XPO5: variants seen among roughly 807,000 people sequenced by gnomAD.
XPO5 encodes exportin 5.
Under a neutral mutation model 160.6 loss-of-function variants are expected in XPO5, and 46 were observed. The observed-to-expected ratio is 0.29, with a 90% confidence interval of 0.23 to 0.37. The LOEUF is 0.37. Ranked by LOEUF, XPO5 falls within the 10% of genes least tolerant of loss-of-function variation. The pLI is 1.00. For missense variants in XPO5, 1,090 were observed against 1,463.9 expected (o/e 0.74, Z 4.17); for synonymous variants, 537 against 519.3 (o/e 1.03, Z -0.46).
At chr6:43,535,755 A>G (rs1377938511) in intron 20 of XPO5, among the ~76,000 whole-genome samples, 1 of 150,924 alleles carries the variant, frequency 6.6e-6, no homozygotes, top group Non-Finnish European at 1.5e-5. Context: ...CGGAGCTTGC[A>G]ATGAGCTGAA....
rs769722961 is a variant in XPO5 at position 43,525,825 on chromosome 6, C to T, written c.3066+14G>A. On this transcript the variant is annotated intron_variant, in intron 28 of 31. Transcript: ENST00000265351. ...GGGCAAGGAGTAAAGGTATCACCTG[C>T]TCCTTCTACCCACCTCATGCTTCAT... The T allele has an allele frequency of 6.2e-7, 1 of 1,613,808 alleles. No individual in the cohort carries two copies.
At chr6:43,524,086 C>T (rs553941201) in intron 31 of XPO5, 81 bp from the exon 32 acceptor site, 76 of 1,534,026 alleles carry the variant, frequency 5.0e-5, no homozygotes, top group Admixed American at 3.5e-4. Flanking sequence ...CGCAGTGGCT[C>T]GCGCCTGTAA....
intron 2 of XPO5, 142 bp from the exon 3 acceptor site, chr6:43,572,720 G>A: frequency 2.2e-6 from 2 of 902,080 alleles, no homozygotes; most frequent in South Asian, 1.7e-5. Context: ...GTCAATGAAT[G>A]GGCAAAAATG....
At chr6:43,525,727 G>A in intron 28 of XPO5, 112 bp downstream of exon 28, 1 of 1,136,478 alleles carries the variant, frequency 8.8e-7, no homozygotes, top group Non-Finnish European at 1.2e-6. Context: ...AGGAACTTAT[G>A]TAACAAAGGA....
In XPO5 at chr6:43,558,107, C is replaced by T. The variant is rs532130605; in HGVS notation, c.1312+394G>A. On this transcript the variant is annotated intron_variant, in intron 12 of 31. Coordinates refer to ENST00000265351, the MANE Select transcript of XPO5 (RefSeq NM_020750.3). ...TGAAACTCCATCTCAAAAAAAAAAA[C>T]AAACAAAAAGGAAATAAGGCACAGA... Among the ~76,000 whole-genome samples, 152 of 147,908 alleles carry T rather than the reference C, an allele frequency of 1.0e-3. 2 individuals carry two copies. The highest frequency in any genetic ancestry group is 3.6e-3 in the African/African-American group (144 of 39,682).
chr6:43,525,994 G>T (rs778143701), intron 27 of XPO5, 73 bp from the exon 28 acceptor site: 2 of 1,549,608 alleles, frequency 1.3e-6, no homozygotes, highest in East Asian at 2.3e-5. Flanking sequence ...TGACAGAAGC[G>T]CAAAAAACAA....
intron 18 of XPO5, 89 bp from the exon 19 acceptor site, chr6:43,547,796 G>T: frequency 1.7e-6 from 2 of 1,158,314 alleles, no homozygotes; most frequent in South Asian, 1.3e-5. Flanking sequence ...ATCATTATTT[G>T]GCCCTTAAGA....
chr6:43,524,965 G>A lies in XPO5; in HGVS notation c.3178C>T (p.Leu1060=), dbSNP rs1239156633. 1.9e-6 allele frequency: 3 copies of A among 1,612,978 alleles called. No homozygotes were observed. The South Asian group carries it at 3.3e-5, about 18-fold the overall frequency. The change falls in exon 30 of 32, where the codon CTG becomes TTG. Residue 1060 remains leucine, a synonymous_variant. Coordinates refer to ENST00000265351, the MANE Select transcript of XPO5 (RefSeq NM_020750.3). ...QLCWPLLKQV[L]SGTLLADAVT... is the part of the protein sequence containing the mutation. ...GCATCTGCGAGCAGTGTCCCTGACAGCACCTGGGGAGACAACTGTGCTTTA... is the reference window on the plus strand; with the variant it reads ...GCATCTGCGAGCAGTGTCCCTGACAACACCTGGGGAGACAACTGTGCTTTA...
Position 43,522,373 on chromosome 6 carries a change from T to C in XPO5, c.*1495A>G, listed in dbSNP as rs1190180965. 3 of 154,926 alleles carry C rather than the reference T, an allele frequency of 1.9e-5. No homozygotes were observed. The highest frequency in any genetic ancestry group is 7.2e-5 in the African/African-American group (3 of 41,538). 9.6% of individuals were successfully genotyped at this position (154,926 alleles called of 1,614,324 possible). ...TGAGATTTTTACTGACATGCAGATG[T>C]GCTTTAGAGTTAATGTTTCTACAAA... is the stretch of plus-strand genomic sequence containing the variant. On this transcript the variant is annotated 3_prime_UTR_variant, in exon 32 of 32. Transcript: ENST00000265351.
chr6:43,558,877 A>T, intron 11 of XPO5: 1 of 311,054 alleles, frequency 3.2e-6, no homozygotes, highest in Non-Finnish European at 5.9e-6. Flanking sequence ...AAAAAATGAC[A>T]ATTCAGTATG....
rs376365866 is a variant in XPO5, at chr6:43,523,517, C to G, written c.*351G>C. 6.9e-6 allele frequency: 3 copies of G among 436,048 alleles called. No individual in the cohort carries two copies. The Admixed American group carries it at 9.1e-5, about 13-fold the overall frequency. 27.0% of individuals were successfully genotyped at this position (436,048 alleles called of 1,614,324 possible). A position where few individuals can be genotyped will look rare whatever the true frequency, so the allele number is the denominator to read the frequency against. ...TAGTCGCAGGGTTGGGCACAGCACC[C>G]TTAGTTACCATTCTGTACAGGTATG... On this transcript the variant is annotated 3_prime_UTR_variant, in exon 32 of 32. Coordinates refer to ENST00000265351, the MANE Select transcript of XPO5 (RefSeq NM_020750.3).
Position 43,562,241 on chromosome 6 carries a change from G to A in XPO5, c.1011+6C>T. On this transcript the variant is annotated splice_donor_region_variant and intron_variant, in intron 9 of 31. Transcript: ENST00000265351. ...GAAGCTCTCCAGAAAGCAAACACTA[G>A]CTCACCAGCAATGCACACAGCTGAT... The A allele has an allele frequency of 6.3e-7, 1 of 1,599,756 alleles. No individual in the cohort carries two copies. The highest frequency in any genetic ancestry group is 8.5e-7 in the Non-Finnish European group (1 of 1,173,098).
Position 43,572,596 on chromosome 6 carries a change from T to TA in XPO5, c.228-19dup, listed in dbSNP as rs1307396143. 1.2e-6 allele frequency: 2 copies of TA among 1,613,332 alleles called. No homozygotes were observed. The highest frequency in any genetic ancestry group is 1.7e-5 in the Admixed American group (1 of 59,984). Reference sequence around the variant, plus strand: ...ACCGAAACCTGACCACCAAAATGCATAAAGTCAATAGAACCACTTTAGAAG... The same window carrying TA: ...ACCGAAACCTGACCACCAAAATGCATAAAAGTCAATAGAACCACTTTAGAAG... On this transcript the variant is annotated intron_variant, in intron 2 of 31. Coordinates refer to ENST00000265351, the MANE Select transcript of XPO5 (RefSeq NM_020750.3).
chr6:43,535,466 G>A (rs947072616), intron 20 of XPO5, among the ~76,000 whole-genome samples: 29 of 151,978 alleles, frequency 1.9e-4, no homozygotes, highest in African/African-American at 6.5e-4. Flanking sequence ...GGTGGGTGCC[G>A]GGCATGGTAG....
At chr6:43,525,726 T>G in intron 28 of XPO5, 113 bp downstream of exon 28, 1 of 1,120,748 alleles carries the variant, frequency 8.9e-7, no homozygotes, top group Admixed American at 2.8e-5. Flanking sequence ...CAGGAACTTA[T>G]GTAACAAAGG....
In XPO5 at chr6:43,553,940, C is replaced by G. The variant is rs116406689; in HGVS notation, c.1442-437G>C. Among the ~76,000 whole-genome samples, 622 of 152,224 alleles carry G rather than the reference C, an allele frequency of 4.1e-3. 5 individuals are homozygous for G. The highest frequency in any genetic ancestry group is 0.014 in the African/African-American group (596 of 41,538). On this transcript the variant is annotated intron_variant, in intron 13 of 31. Transcript: ENST00000265351. ...AAAATTGAGACCATAAAGAATCTTCCCAATAAGGAAACAATGTAATATACA... is the reference window on the plus strand; with the variant it reads ...AAAATTGAGACCATAAAGAATCTTCGCAATAAGGAAACAATGTAATATACA...
chr6:43,565,759 A>G, intron 7 of XPO5, 23 bp from the exon 8 acceptor site: 1 of 1,560,936 alleles, frequency 6.4e-7, no homozygotes, highest in East Asian at 2.3e-5. Flanking sequence ...TTAGGGAAAC[A>G]TAGTCATATA....
intron 2 of XPO5, 87 bp downstream of exon 2, chr6:43,573,393 C>T (rs1763111265): frequency 6.5e-7 from 1 of 1,529,638 alleles, no homozygotes; most frequent in Non-Finnish European, 8.9e-7. Flanking sequence ...CTCTTCTCTA[C>T]TCACCTAAAC....
At chr6:43,557,153 G>A (rs1762134372) in intron 12 of XPO5, among the ~76,000 whole-genome samples, 1 of 137,378 alleles carries the variant, frequency 7.3e-6, no homozygotes, top group Non-Finnish European at 1.6e-5. Flanking sequence ...AAGGCTGGGT[G>A]TGGTGGCTTA....
Sources: gnomAD v4.1 joint callset for allele counts (sites outside exome capture counted in the v4.1 genomes callset) on GRCh38, gnomAD v4.1.1 for gene constraint, MANE v1.5 for transcripts, NCBI Gene and HGNC (gene_info 2026-07-23, HGNC 2026-07-21) for gene names.